Variants in CACNA2D1 observed in about 807,000 individuals in gnomAD.
CACNA2D1 encodes the protein calcium voltage-gated channel auxiliary subunit alpha2delta 1, also known as voltage-dependent calcium channel subunit alpha-2/delta-1.
In CACNA2D1, 53 loss-of-function variants were observed where a neutral mutation model predicts 171.5. The observed-to-expected ratio is 0.31, with a 90% CI of 0.25 to 0.39. The LOEUF is 0.39. Ranked by LOEUF, CACNA2D1 falls within the 10% of genes least tolerant of loss-of-function variation. The pLI, the probability that CACNA2D1 is intolerant of heterozygous loss-of-function variation, is 1.00. For synonymous variants in CACNA2D1, 442 were observed against 443.1 expected, an observed-to-expected ratio of 1.00 and a Z score of 0.03; for missense variants, 903 against 1,299.8, an observed-to-expected ratio of 0.69 and a Z score of 4.69.
At chr7:81,978,780 C>T (rs1051053233) in intron 24 of CACNA2D1, among the ~76,000 whole-genome samples, 1 of 116,832 alleles carries the variant, frequency 8.6e-6, no homozygotes, top group Non-Finnish European at 1.8e-5. Context: ...TACACACACA[C>T]ACACACTGTT....
intron 3 of CACNA2D1, among the ~76,000 whole-genome samples, chr7:82,179,067 C>T (rs1488388994): frequency 2.0e-5 from 3 of 152,124 alleles, no homozygotes; most frequent in African/African-American, 2.4e-5. Context: ...TCCTCCTACA[C>T]GACAAGCATA....
intron 1 of CACNA2D1, among the ~76,000 whole-genome samples, chr7:82,402,912 A>T (rs1485793183): frequency 6.6e-6 from 1 of 152,036 alleles, no homozygotes; most frequent in Non-Finnish European, 1.5e-5. Context: ...ATAGATTATT[A>T]TTTATAATAA....
At chr7:82,146,969 C>T (rs1274472494) in intron 4 of CACNA2D1, among the ~76,000 whole-genome samples, 1 of 93,128 alleles carries the variant, frequency 1.1e-5, no homozygotes, top group Non-Finnish European at 1.9e-5. Flanking sequence ...TGGGTGATAG[C>T]AAGACTCCCA....
chr7:82,166,852 T>C (rs1795505943), intron 4 of CACNA2D1, among the ~76,000 whole-genome samples: 1 of 152,050 alleles, frequency 6.6e-6, no homozygotes, highest in African/African-American at 2.4e-5. Context: ...GTGTATTCAG[T>C]TGGGAATTGA....
chr7:81,987,322 G>C (rs1224861328), intron 21 of CACNA2D1, among the ~76,000 whole-genome samples: 1 of 152,066 alleles, frequency 6.6e-6, no homozygotes, highest in Non-Finnish European at 1.5e-5. Context: ...GATAGACCAA[G>C]ACTGCTTTAT....
chr7:82,388,072 AAAAAACAAAAAC>A (rs1173862206), intron 1 of CACNA2D1, among the ~76,000 whole-genome samples: 2 of 146,602 alleles, frequency 1.4e-5, no homozygotes, highest in Non-Finnish European at 3.1e-5. Flanking sequence ...CAAAAAAAAA[AAAAAACAAAAAC>A]AAAAACAAAC....
At chr7:82,286,156 T>C (rs112945898) in intron 3 of CACNA2D1, among the ~76,000 whole-genome samples, 200 of 152,242 alleles carry the variant, frequency 1.3e-3, no homozygotes, top group African/African-American at 4.6e-3. Context: ...GCCAGTAGCT[T>C]TTATAGATAT....
intron 18 of CACNA2D1, among the ~76,000 whole-genome samples, chr7:82,000,787 T>C (rs1798521839): frequency 1.8e-5 from 2 of 109,096 alleles, no homozygotes; most frequent in African/African-American, 3.9e-5. Context: ...TTTTTTTTTT[T>C]TTTTTTTTTT....
chr7:82,123,481 A>G (rs897243562), intron 5 of CACNA2D1, among the ~76,000 whole-genome samples: 4 of 152,242 alleles, frequency 2.6e-5, no homozygotes, highest in African/African-American at 9.6e-5. Context: ...AAATACGGAG[A>G]GAATAATGGA....
At chr7:82,267,894 G>T (rs1808104084) in intron 3 of CACNA2D1, among the ~76,000 whole-genome samples, 1 of 152,118 alleles carries the variant, frequency 6.6e-6, no homozygotes, top group Non-Finnish European at 1.5e-5. Context: ...CTACTCGGGA[G>T]CCTGAGGCAG....
intron 6 of CACNA2D1, among the ~76,000 whole-genome samples, chr7:82,097,197 A>G (rs1463590398): frequency 2.0e-5 from 3 of 152,166 alleles, no homozygotes; most frequent in African/African-American, 4.8e-5. Context: ...AAACAGCTGA[A>G]TGGATGAGGA....
rs57657223 is a variant in CACNA2D1, at chr7:82,287,281, T to G, written c.294+47854A>C. 5.3e-3 allele frequency among the ~76,000 whole-genome samples: 804 copies of G among 150,674 alleles called. 14 individuals carry two copies. Among genetic ancestry groups the G allele is most frequent in the African/African-American group, 0.019 (780 of 40,406 alleles). ...TTCTTTCTTTTTTTTTTTAATACAC[T>G]AGAGTCCCTTGTTTATTTCCAAAAA... On this transcript the variant is annotated intron_variant, in intron 3 of 38. Coordinates refer to ENST00000356860, the MANE Select transcript of CACNA2D1 (RefSeq NM_000722.4).
chr7:82,344,330 A>G (rs1585583598), intron 2 of CACNA2D1, among the ~76,000 whole-genome samples: 1 of 152,360 alleles, frequency 6.6e-6, no homozygotes, highest in East Asian at 1.9e-4. Context: ...AATGTATGCC[A>G]GGGCACAAAA....
At chr7:82,036,210 A>T (rs1179132193) in intron 11 of CACNA2D1, among the ~76,000 whole-genome samples, 2 of 152,102 alleles carry the variant, frequency 1.3e-5, no homozygotes, top group Non-Finnish European at 2.9e-5. Flanking sequence ...CCTCACTTCT[A>T]TTCCCACACC....
At chr7:82,316,105 T>A (rs1019520734) in intron 3 of CACNA2D1, among the ~76,000 whole-genome samples, 2 of 152,116 alleles carry the variant, frequency 1.3e-5, no homozygotes, top group Non-Finnish European at 2.9e-5. Context: ...TTAAAACCTA[T>A]AATTATAAAT....
At chr7:82,371,331 T>G (rs910746085) in intron 1 of CACNA2D1, among the ~76,000 whole-genome samples, 1 of 152,166 alleles carries the variant, frequency 6.6e-6, no homozygotes, top group Admixed American at 6.5e-5. Context: ...GTGTGGCTGT[T>G]TATGAGACGA....
At chr7:82,419,034 C>T (rs1235983975) in intron 1 of CACNA2D1, among the ~76,000 whole-genome samples, 3 of 151,252 alleles carry the variant, frequency 2.0e-5, no homozygotes, top group South Asian at 2.1e-4. Flanking sequence ...GGCGTGAACC[C>T]GAGAGGCGGA....
intron 8 of CACNA2D1, among the ~76,000 whole-genome samples, 153 bp downstream of exon 8, chr7:82,066,302 A>G (rs1307291292): frequency 6.6e-6 from 1 of 152,166 alleles, no homozygotes; most frequent in Admixed American, 6.5e-5. Context: ...CATCATTTTC[A>G]TTTACCTTTA....
At chr7:82,393,116 A>C (rs1262534187) in intron 1 of CACNA2D1, among the ~76,000 whole-genome samples, 45 of 78,982 alleles carry the variant, frequency 5.7e-4, no homozygotes, top group Non-Finnish European at 9.8e-4. Flanking sequence ...GCAGGCAGGG[A>C]GGGAGGGAGG....
Sources: allele counts gnomAD v4.1 joint callset (sites outside exome capture counted in the v4.1 genomes callset), GRCh38; gene constraint gnomAD v4.1.1; transcripts MANE v1.5; gene names NCBI Gene and HGNC (gene_info 2026-07-23, HGNC 2026-07-21).